The following CCNY variants were observed in gnomAD, a reference collection of about 807,000 sequenced individuals.
The protein encoded by CCNY is cyclin Y.
Under a neutral mutation model 42.8 loss-of-function variants are expected in CCNY, and 19 were observed. The ratio of observed to expected loss-of-function variants is 0.44; its 90% confidence interval spans 0.31 to 0.65. The LOEUF (loss-of-function observed/expected upper bound fraction) is 0.65. Ranked by LOEUF, CCNY falls within the 30% of genes least tolerant of loss-of-function variation. The probability of loss-of-function intolerance (pLI) is 0.07; values close to 1 mark genes in which losing one functional copy is unlikely to be tolerated. For missense variants in CCNY, 370 were observed against 437.3 expected, an observed-to-expected ratio of 0.85 and a Z score of 1.37; for synonymous variants, 165 against 162.7, an observed-to-expected ratio of 1.01 and a Z score of -0.11.
chr10:35,402,229 GA>G (rs1403122073), intron 1 of CCNY, among the ~76,000 whole-genome samples: 1 of 152,092 alleles, frequency 6.6e-6, no homozygotes, highest in African/African-American at 2.4e-5. Flanking sequence ...TTGTTAGAAG[GA>G]ACATTTGTTG....
chr10:35,332,668 G>A (rs959934916), upstream of CCNY, among the ~76,000 whole-genome samples: 29 of 152,116 alleles, frequency 1.9e-4, no homozygotes, highest in Middle Eastern at 3.4e-3. Flanking sequence ...GCAGTGGCAC[G>A]ATCTCGGCTC....
chr10:35,364,231 C>A (rs1028948640), intron 1 of CCNY, among the ~76,000 whole-genome samples: 2 of 151,984 alleles, frequency 1.3e-5, no homozygotes, highest in Non-Finnish European at 2.9e-5. Flanking sequence ...TCATTTAGCC[C>A]TTTCACCCGT....
At chr10:35,279,053 G>A (rs1835270187) in intron 3 of CCNY, among the ~76,000 whole-genome samples, 2 of 149,328 alleles carry the variant, frequency 1.3e-5, no homozygotes, top group African/African-American at 4.9e-5. Flanking sequence ...TCCAAGTAGT[G>A]TTAGAGTCGT....
In CCNY at chr10:35,391,664, C is replaced by CT. The variant is rs142088679; in HGVS notation, c.154+54460dup. Reference sequence around the variant, plus strand: ...TTACCCTAGTTTTTAGTCTTCTCATCTTTAACATGGGAATGATAGTACCTG... The same window carrying CT: ...TTACCCTAGTTTTTAGTCTTCTCATCTTTTAACATGGGAATGATAGTACCTG... On this transcript the variant is annotated intron_variant, in intron 1 of 9. Coordinates refer to ENST00000374704, the MANE Select transcript of CCNY (RefSeq NM_145012.6). Among the ~76,000 whole-genome samples, 86 of 152,278 alleles carry CT rather than the reference C, an allele frequency of 5.6e-4. 3 individuals carry two copies. The East Asian group carries it at 0.016, about 28-fold the overall frequency.
At chr10:35,335,899 GACACAC>G (rs144039786), upstream of CCNY, 6 of 64,714 alleles carry the variant, frequency 9.3e-5, no homozygotes, top group Admixed American at 1.7e-4. Context: ...CTACTTTGGA[GACACAC>G]ACACACACAC....
chr10:35,538,171 A>G (rs1346990078), intron 7 of CCNY, among the ~76,000 whole-genome samples: 1 of 152,090 alleles, frequency 6.6e-6, no homozygotes, highest in Non-Finnish European at 1.5e-5. Context: ...GCCTTCCACC[A>G]TGATTGTGAG....
chr10:35,460,465 C>CACAT (rs1298681175), intron 1 of CCNY, among the ~76,000 whole-genome samples: 2 of 152,050 alleles, frequency 1.3e-5, no homozygotes, highest in African/African-American at 4.8e-5. Context: ...CACACACACA[C>CACAT]ACAGGATAAT....
chr10:35,401,840 T>G (rs1487057258), intron 1 of CCNY, among the ~76,000 whole-genome samples: 3 of 151,982 alleles, frequency 2.0e-5, no homozygotes, highest in Admixed American at 2.0e-4. Flanking sequence ...TTCTTAAGGG[T>G]TGGGGAGATT....
chr10:35,346,873 C>T (rs999888706), intron 1 of CCNY, among the ~76,000 whole-genome samples: 9 of 152,192 alleles, frequency 5.9e-5, no homozygotes, highest in Admixed American at 2.6e-4. Flanking sequence ...GCCATCTGCC[C>T]GCCTCGGCCT....
chr10:35,422,323 A>G (rs545362816), intron 1 of CCNY, among the ~76,000 whole-genome samples: 4 of 152,204 alleles, frequency 2.6e-5, no homozygotes, highest in East Asian at 3.9e-4. Flanking sequence ...TTCAGCTACA[A>G]TTCTATATAG....
At chr10:35,566,587 C>T (rs891123731) in intron 9 of CCNY, among the ~76,000 whole-genome samples, 10 of 152,162 alleles carry the variant, frequency 6.6e-5, no homozygotes, top group Non-Finnish European at 2.9e-5. Context: ...AGGTGATCTG[C>T]CTGCCTTGGC....
At chr10:35,255,753 C>A (rs773499870) in intron 3 of CCNY, among the ~76,000 whole-genome samples, 20 of 151,994 alleles carry the variant, frequency 1.3e-4, no homozygotes, top group Non-Finnish European at 2.2e-4. Flanking sequence ...TGCCACCATG[C>A]CTGGCTAATT....
At chr10:35,389,445 T>A (rs1455410116) in intron 1 of CCNY, among the ~76,000 whole-genome samples, 1 of 150,574 alleles carries the variant, frequency 6.6e-6, no homozygotes, top group Non-Finnish European at 1.5e-5. Flanking sequence ...TGTGCTTTTT[T>A]TTTTTTTTTT....
At chr10:35,493,164 G>T (rs1404917716) in intron 2 of CCNY, among the ~76,000 whole-genome samples, 9 of 152,196 alleles carry the variant, frequency 5.9e-5, no homozygotes, top group African/African-American at 1.9e-4. Flanking sequence ...AAACTCAGAT[G>T]AAATCATTTA....
At chr10:35,356,863 T>C (rs1385833023) in intron 1 of CCNY, among the ~76,000 whole-genome samples, 1 of 152,152 alleles carries the variant, frequency 6.6e-6, no homozygotes, top group Non-Finnish European at 1.5e-5. Flanking sequence ...CTGCTCACAA[T>C]CCCTGAGTGG....
At chr10:35,330,505 T>C (rs1437905356) in intron 3 of CCNY, among the ~76,000 whole-genome samples, 1 of 152,200 alleles carries the variant, frequency 6.6e-6, no homozygotes, top group Non-Finnish European at 1.5e-5. Context: ...CATGAATATA[T>C]GAAGCTCTTA....
chr10:35,370,402 C>T (rs551868676), intron 1 of CCNY, among the ~76,000 whole-genome samples: 1 of 152,152 alleles, frequency 6.6e-6, no homozygotes, highest in African/African-American at 2.4e-5. Flanking sequence ...CCGCCTGCTT[C>T]GGCCTCCCAG....
intron 4 of CCNY, among the ~76,000 whole-genome samples, chr10:35,521,177 C>T (rs1232478980): frequency 6.6e-6 from 1 of 152,234 alleles, no homozygotes; most frequent in Admixed American, 6.5e-5. Flanking sequence ...ACTTCCTCCC[C>T]AGCTATGTGG....
chr10:35,528,571 G>A (rs1043619152), intron 5 of CCNY, among the ~76,000 whole-genome samples: 3 of 152,070 alleles, frequency 2.0e-5, no homozygotes, highest in Non-Finnish European at 4.4e-5. Flanking sequence ...GCCTGGTGGC[G>A]CGTGCTTATA....
Sources: allele counts gnomAD v4.1 joint callset (sites outside exome capture counted in the v4.1 genomes callset), GRCh38; gene constraint gnomAD v4.1.1; transcripts MANE v1.5; gene names NCBI Gene and HGNC (gene_info 2026-07-23, HGNC 2026-07-21).